MOGAT1: variants seen among roughly 807,000 people sequenced by gnomAD.
MOGAT1 encodes 2-acylglycerol O-acyltransferase 1.
Under a neutral mutation model 31.4 loss-of-function variants are expected in MOGAT1, and 32 were observed. That is an observed-to-expected ratio of 1.02 (90% confidence interval 0.77 to 1.37). The LOEUF is 1.37. Ranked by LOEUF, MOGAT1 falls within the 40% of genes most tolerant of loss-of-function variation. The probability of loss-of-function intolerance (pLI) is 0.00; values close to 1 mark genes in which losing one functional copy is unlikely to be tolerated. For missense variants in MOGAT1, 426 were observed against 402.0 expected (o/e 1.06, Z -0.51); for synonymous variants, 145 against 144.5 (o/e 1.00, Z -0.03).
chr2:222,690,944 A>G (rs993974632), intron 3 of MOGAT1, among the ~76,000 whole-genome samples: 3 of 152,256 alleles, frequency 2.0e-5, no homozygotes, highest in Non-Finnish European at 2.9e-5. Context: ...GCACAGAAAC[A>G]TATTTAAAGT....
rs995028710 is a variant in MOGAT1, at chr2:222,700,408, A to G, written c.853+5120A>G. On this transcript the variant is annotated intron_variant, in intron 5 of 5. Coordinates refer to ENST00000446656, the MANE Select transcript of MOGAT1 (RefSeq NM_058165.3). The stretch of plus-strand genomic sequence containing the variant: ...ACTTGTTTTCACTCATACTTGTCCA[A>G]TGTGCTTCTCTTAAACATTCAGAAA... Among the ~76,000 whole-genome samples, 4 of 152,342 alleles carry G rather than the reference A, an allele frequency of 2.6e-5. 1 individual carries two copies. The highest frequency in any genetic ancestry group is 4.1e-4 in the South Asian group (2 of 4,826).
intron 4 of MOGAT1, 43 bp from the exon 5 acceptor site, chr2:222,695,046 C>T: frequency 6.9e-7 from 1 of 1,445,070 alleles, no homozygotes; most frequent in African/African-American, 1.4e-5. Context: ...TTATTTGAAT[C>T]CTTTTCATTG....
chr2:222,691,353 T>C (rs190066440), intron 3 of MOGAT1, among the ~76,000 whole-genome samples: 8 of 151,716 alleles, frequency 5.3e-5, no homozygotes, highest in Non-Finnish European at 7.4e-5. Context: ...GATTACAGGC[T>C]TGCACCACCA....
intron 1 of MOGAT1, 32 bp downstream of exon 1, chr2:222,671,911 T>C: frequency 6.7e-7 from 1 of 1,499,668 alleles, no homozygotes; most frequent in Non-Finnish European, 9.1e-7. Flanking sequence ...CCGCGGGGCT[T>C]GGGCTCCATA....
intron 5 of MOGAT1, among the ~76,000 whole-genome samples, chr2:222,705,143 A>G: frequency 6.6e-6 from 1 of 152,140 alleles, no homozygotes; most frequent in East Asian, 1.9e-4. Context: ...TTGCCATGGC[A>G]TTTGTAAACT....
At position 222,686,286 on chromosome 2, in the gene MOGAT1, C is replaced by A. The variant is rs192555312; in HGVS notation, c.95-2058C>A. 1.6e-4 allele frequency among the ~76,000 whole-genome samples: 24 copies of A among 152,280 alleles called. No homozygotes were observed. In the East Asian group the frequency reaches 4.2e-3, roughly 27 times the overall value. ...TTGGACGCTCAAATTCCCTGAGCCTCAGTTTCTACAACTGTAAAATGGGGC... is the reference window on the plus strand; with the variant it reads ...TTGGACGCTCAAATTCCCTGAGCCTAAGTTTCTACAACTGTAAAATGGGGC... On this transcript the variant is annotated intron_variant, in intron 1 of 5. Coordinates refer to ENST00000446656, the MANE Select transcript of MOGAT1 (RefSeq NM_058165.3).
Position 222,671,799 on chromosome 2 carries a change from T to C in MOGAT1, c.14T>C (p.Phe5Ser). MKVE[F>S]APLNIQLARR... The stretch of plus-strand genomic sequence containing the variant: ...CCCGGCCAGGCCATGAAGGTAGAGT[T>C]TGCACCGCTCAACATCCAGCTGGCG... The change falls in exon 1 of 6, where the codon TTT becomes TCT. Residue 5 changes from phenylalanine (F) to serine (S), a missense_variant. Coordinates refer to ENST00000446656, the MANE Select transcript of MOGAT1 (RefSeq NM_058165.3). 6.4e-7 allele frequency: 1 copy of C among 1,552,798 alleles called. No homozygotes were observed. Among genetic ancestry groups the C allele is most frequent in the Non-Finnish European group, 8.7e-7 (1 of 1,148,078 alleles).
intron 5 of MOGAT1, among the ~76,000 whole-genome samples, chr2:222,707,794 G>A (rs1286869423): frequency 2.0e-5 from 3 of 152,222 alleles, no homozygotes; most frequent in Non-Finnish European, 2.9e-5. Context: ...GTGTATGTGT[G>A]TGTGTCCTCT....
intron 1 of MOGAT1, among the ~76,000 whole-genome samples, chr2:222,675,217 A>C (rs1356768912): frequency 6.6e-6 from 1 of 152,226 alleles, no homozygotes; most frequent in Non-Finnish European, 1.5e-5. Flanking sequence ...AGTTAGAGCT[A>C]AATGCTTGAT....
chr2:222,695,294 T>G lies in MOGAT1; in HGVS notation c.853+6T>G. ...GAAAGCCATCCACACTGTTGGTATGTACATAAAATAACTACAACTATTAGC... is the reference window on the plus strand; with the variant it reads ...GAAAGCCATCCACACTGTTGGTATGGACATAAAATAACTACAACTATTAGC... On this transcript the variant is annotated splice_donor_region_variant and intron_variant, in intron 5 of 5. Coordinates refer to ENST00000446656, the MANE Select transcript of MOGAT1 (RefSeq NM_058165.3). The G allele has an allele frequency of 6.3e-7, 1 of 1,580,370 alleles. No individual in the cohort carries two copies. The highest frequency in any genetic ancestry group is 2.2e-5 in the East Asian group (1 of 44,628).
intron 1 of MOGAT1, among the ~76,000 whole-genome samples, chr2:222,685,882 G>A (rs1418145911): frequency 6.6e-6 from 1 of 151,916 alleles, no homozygotes; most frequent in Non-Finnish European, 1.5e-5. Context: ...TTACAGTCAC[G>A]AGCCACTGTG....
At chr2:222,673,714 G>T (rs190427701) in intron 1 of MOGAT1, among the ~76,000 whole-genome samples, 1 of 152,136 alleles carries the variant, frequency 6.6e-6, no homozygotes, top group Non-Finnish European at 1.5e-5. Flanking sequence ...CTTCCTAACC[G>T]ATCATTCAAC....
At chr2:222,692,429 T>C (rs1177454576) in intron 3 of MOGAT1, among the ~76,000 whole-genome samples, 2 of 152,234 alleles carry the variant, frequency 1.3e-5, no homozygotes, top group Non-Finnish European at 2.9e-5. Flanking sequence ...ATGTGGTGGC[T>C]AAGAAAGGAG....
chr2:222,699,490 C>CTTTTTTTTTTTTT (rs1159264071), intron 5 of MOGAT1: 1 of 77,680 alleles, frequency 1.3e-5, no homozygotes, highest in Non-Finnish European at 2.3e-5. Context: ...GGAGATATTT[C>CTTTTTTTTTTTTT]TTTTTTTTTT....
chr2:222,688,599 A>C, intron 2 of MOGAT1, 77 bp downstream of exon 2: 10 of 1,037,100 alleles, frequency 9.6e-6, no homozygotes, highest in Non-Finnish European at 1.4e-5. Flanking sequence ...CATATATCTC[A>C]AGCTTCTTTT....
intron 5 of MOGAT1, among the ~76,000 whole-genome samples, chr2:222,704,941 C>A (rs959577115): frequency 5.3e-5 from 8 of 152,050 alleles, no homozygotes; most frequent in African/African-American, 1.9e-4. Context: ...GCCCTTGGAT[C>A]TCACACAAGA....
At chr2:222,693,628 G>A (rs753259241) in intron 3 of MOGAT1, among the ~76,000 whole-genome samples, 10 of 151,942 alleles carry the variant, frequency 6.6e-5, no homozygotes, top group African/African-American at 1.5e-4. Context: ...CATGGGTGGC[G>A]GCAGGCAAGG....
intron 3 of MOGAT1, among the ~76,000 whole-genome samples, chr2:222,690,335 G>A (rs1427386032): frequency 6.6e-6 from 1 of 152,128 alleles, no homozygotes; most frequent in South Asian, 2.1e-4. Context: ...GAGGTGGGGT[G>A]AATCACTTGA....
chr2:222,690,525 C>T (rs2106037863), intron 3 of MOGAT1, among the ~76,000 whole-genome samples: 2 of 152,232 alleles, frequency 1.3e-5, no homozygotes, highest in Middle Eastern at 3.4e-3. Context: ...CCACTGCACT[C>T]CAGCCCGGGC....
Sources: allele counts gnomAD v4.1 joint callset (sites outside exome capture counted in the v4.1 genomes callset), GRCh38; gene constraint gnomAD v4.1.1; transcripts MANE v1.5; gene names NCBI Gene and HGNC (gene_info 2026-07-23, HGNC 2026-07-21).